PDE10A: variants seen among roughly 807,000 people sequenced by gnomAD.
The protein encoded by PDE10A is phosphodiesterase 10A.
Under a neutral mutation model 97.7 loss-of-function variants are expected in PDE10A, and 39 were observed. The ratio of observed to expected loss-of-function variants is 0.40; its 90% CI spans 0.31 to 0.52. The LOEUF (loss-of-function observed/expected upper bound fraction) is 0.52, where lower values mean the gene tolerates loss of function less well. Among genes scored for constraint, PDE10A ranks in the 20% least tolerant of loss-of-function variants. The pLI, the probability that PDE10A is intolerant of heterozygous loss-of-function variation, is 0.56. For synonymous variants in PDE10A, 371 were observed against 376.8 expected (o/e 0.98, Z 0.18); for missense variants, 731 against 1,047.8 (o/e 0.70, Z 4.17).
chr6:165,459,782 G>C (rs1778209488), intron 3 of PDE10A, among the ~76,000 whole-genome samples: 1 of 152,082 alleles, frequency 6.6e-6, no homozygotes, highest in Non-Finnish European at 1.5e-5. Context: ...GCTAGCACAG[G>C]CAATGGCAGG....
intron 2 of PDE10A, among the ~76,000 whole-genome samples, chr6:165,542,893 C>A (rs142895392): frequency 0.011 from 1,713 of 152,220 alleles, 86 homozygotes; most frequent in East Asian, 0.097. Context: ...GCTGGGATTA[C>A]AGGCGTGAGC....
intron 1 of PDE10A, among the ~76,000 whole-genome samples, chr6:165,951,015 T>C (rs573652392): frequency 1.2e-4 from 19 of 152,360 alleles, no homozygotes; most frequent in Admixed American, 7.2e-4. Context: ...GTTATCTTGG[T>C]TCTTACATAT....
chr6:165,554,493 T>C (rs1784157212), intron 1 of PDE10A, among the ~76,000 whole-genome samples: 1 of 152,082 alleles, frequency 6.6e-6, no homozygotes. Context: ...AAATGACATA[T>C]ATTCAAAAGA....
At chr6:165,567,142 A>G (rs1381715302) in intron 1 of PDE10A, among the ~76,000 whole-genome samples, 5 of 152,218 alleles carry the variant, frequency 3.3e-5, no homozygotes, top group Admixed American at 1.3e-4. Flanking sequence ...AACTGCATGG[A>G]ATAATATGAG....
intron 1 of PDE10A, among the ~76,000 whole-genome samples, chr6:165,553,519 C>T (rs1374168267): frequency 1.3e-5 from 2 of 152,150 alleles, no homozygotes; most frequent in Non-Finnish European, 2.9e-5. Flanking sequence ...AAGTACATTC[C>T]ACTGAAAGAG....
chr6:165,857,179 A>G (rs534514540), intron 1 of PDE10A, among the ~76,000 whole-genome samples: 30 of 152,280 alleles, frequency 2.0e-4, no homozygotes, highest in African/African-American at 7.2e-4. Flanking sequence ...AAAGGGGTTG[A>G]GTTTGCCATC....
chr6:165,521,572 G>A (rs944056236), intron 2 of PDE10A, among the ~76,000 whole-genome samples: 3 of 152,170 alleles, frequency 2.0e-5, no homozygotes, highest in African/African-American at 7.2e-5. Context: ...CTTTATTGCT[G>A]ATAGGAGAAA....
intron 1 of PDE10A, among the ~76,000 whole-genome samples, chr6:165,578,942 T>C (rs1306394832): frequency 1.3e-5 from 2 of 152,174 alleles, no homozygotes; most frequent in East Asian, 3.9e-4. Context: ...AGTGAGATAC[T>C]AAGGTCAGAG....
chr6:165,980,048 T>G (rs1425086822), intron 1 of PDE10A, among the ~76,000 whole-genome samples: 1 of 152,244 alleles, frequency 6.6e-6, no homozygotes, highest in Non-Finnish European at 1.5e-5. Context: ...AACATCCACC[T>G]TAAGCAGAGA....
intron 1 of PDE10A, among the ~76,000 whole-genome samples, chr6:165,792,264 G>A (rs559127886): frequency 1.3e-5 from 2 of 152,174 alleles, no homozygotes; most frequent in East Asian, 1.9e-4. Context: ...AGTCACCGTC[G>A]AGCAGAAGGC....
intron 2 of PDE10A, among the ~76,000 whole-genome samples, chr6:165,499,090 T>C (rs986724704): frequency 6.6e-6 from 1 of 152,124 alleles, no homozygotes; most frequent in African/African-American, 2.4e-5. Context: ...TGTCCACAGA[T>C]AGGTAAAAAT....
At chr6:165,488,546 T>C (rs956339935) in intron 2 of PDE10A, among the ~76,000 whole-genome samples, 2 of 152,208 alleles carry the variant, frequency 1.3e-5, no homozygotes, top group Non-Finnish European at 2.9e-5. Flanking sequence ...CGTGAACTTT[T>C]GCTCCAAGAA....
At chr6:165,915,559 T>C (rs6929724) in intron 1 of PDE10A, among the ~76,000 whole-genome samples, 1 of 152,060 alleles carries the variant, frequency 6.6e-6, no homozygotes, top group South Asian at 2.1e-4. Context: ...CCTCCCCTGC[T>C]GGGAGTGGAG....
rs137896890 is a variant in PDE10A at position 165,978,384 on chromosome 6, T to A, written c.-615+9145A>T. 5.5e-3 allele frequency among the ~76,000 whole-genome samples: 831 copies of A among 152,310 alleles called. 10 individuals are homozygous for A. Among genetic ancestry groups the A allele is most frequent in the African/African-American group, 0.019 (788 of 41,560 alleles). On this transcript the variant is annotated intron_variant, in intron 1 of 19. Coordinates refer to the PDE10A transcript ENST00000366882. ...GGCATAAGGGAAGAATAATCAGAGT[T>A]TATTACTACTTCTCTTTACAGTGGA... is the stretch of plus-strand genomic sequence containing the variant.
intron 1 of PDE10A, among the ~76,000 whole-genome samples, chr6:165,766,026 A>G (rs2128458979): frequency 6.6e-6 from 1 of 152,356 alleles, no homozygotes; most frequent in Non-Finnish European, 1.5e-5. Context: ...TTAAGGACAG[A>G]GTCAGTAAAA....
intron 1 of PDE10A, among the ~76,000 whole-genome samples, chr6:165,961,974 C>A (rs1229271919): frequency 6.6e-6 from 1 of 152,208 alleles, no homozygotes; most frequent in East Asian, 1.9e-4. Context: ...CCTACCTAGG[C>A]ACTTTGCGTG....
At chr6:165,476,174 A>G (rs1779284564) in intron 3 of PDE10A, among the ~76,000 whole-genome samples, 1 of 152,220 alleles carries the variant, frequency 6.6e-6, no homozygotes, top group Admixed American at 6.5e-5. Context: ...AAGAAAAAAA[A>G]AAACCAAAAA....
chr6:165,858,744 G>T (rs1176563185), intron 1 of PDE10A, among the ~76,000 whole-genome samples: 1 of 152,120 alleles, frequency 6.6e-6, no homozygotes, highest in Non-Finnish European at 1.5e-5. Context: ...ATCAGTGAAG[G>T]CTTTTAAGGA....
chr6:165,378,323 G>A (rs923159380), intron 18 of PDE10A, among the ~76,000 whole-genome samples: 1 of 152,190 alleles, frequency 6.6e-6, no homozygotes, highest in Admixed American at 6.5e-5. Context: ...TCCAAATTCA[G>A]CAAGAGTGGC....
Sources: gnomAD v4.1 joint callset for allele counts (sites outside exome capture counted in the v4.1 genomes callset) on GRCh38, gnomAD v4.1.1 for gene constraint, MANE v1.5 for transcripts, NCBI Gene and HGNC (gene_info 2026-07-23, HGNC 2026-07-21) for gene names.